MEGF11: variants seen among roughly 807,000 people sequenced by gnomAD.
The protein encoded by MEGF11 is multiple EGF like domains 11.
A neutral mutation model predicts 146.6 loss-of-function variants in MEGF11; 126 were observed. The observed-to-expected ratio is 0.86, with a 90% CI of 0.74 to 1.00. The LOEUF (loss-of-function observed/expected upper bound fraction) is 1.00, where lower values mean the gene tolerates loss of function less well. MEGF11 is among the 50% of genes least tolerant of loss of function. The pLI, the probability that MEGF11 is intolerant of heterozygous loss-of-function variation, is 0.00. For synonymous variants in MEGF11, 532 were observed against 583.4 expected, an observed-to-expected ratio of 0.91 and a Z score of 1.27; for missense variants, 1,509 against 1,521.2, an observed-to-expected ratio of 0.99 and a Z score of 0.13.
At chr15:66,150,835 A>T (rs2089543982) in intron 1 of MEGF11, among the ~76,000 whole-genome samples, 2 of 107,556 alleles carry the variant, frequency 1.9e-5, no homozygotes, top group African/African-American at 7.2e-5. Context: ...AGAGAGAGAG[A>T]GAGAGAGAGA....
intron 5 of MEGF11, among the ~76,000 whole-genome samples, chr15:66,010,032 G>A (rs1164312178): frequency 1.3e-5 from 2 of 152,108 alleles, no homozygotes; most frequent in Non-Finnish European, 2.9e-5. Flanking sequence ...TGCTCTTAGT[G>A]TGGTGTTGTA....
chr15:66,014,904 C>T (rs975873796), intron 5 of MEGF11, among the ~76,000 whole-genome samples: 6 of 152,110 alleles, frequency 3.9e-5, no homozygotes, highest in African/African-American at 1.4e-4. Flanking sequence ...TGGAAGCTTC[C>T]TGTTGCCAGC....
At chr15:65,999,941 G>A (rs561898995) in intron 5 of MEGF11, among the ~76,000 whole-genome samples, 41 of 152,322 alleles carry the variant, frequency 2.7e-4, no homozygotes, top group African/African-American at 9.6e-4. Flanking sequence ...CCCTGAGGTG[G>A]CTCCAGGAAG....
intron 5 of MEGF11, among the ~76,000 whole-genome samples, chr15:66,083,980 A>G (rs2085998972): frequency 6.6e-6 from 1 of 152,258 alleles, no homozygotes; most frequent in Admixed American, 6.5e-5. Context: ...CTCAGAGAAC[A>G]GGAGAAAATA....
intron 1 of MEGF11, among the ~76,000 whole-genome samples, chr15:66,163,095 A>T (rs1042603971): frequency 2.6e-5 from 4 of 152,176 alleles, no homozygotes; most frequent in African/African-American, 9.7e-5. Flanking sequence ...CCAGATGCTG[A>T]GGCCTGCAAC....
At chr15:66,224,574 ACT>A (rs971335778) in intron 1 of MEGF11, among the ~76,000 whole-genome samples, 1 of 148,634 alleles carries the variant, frequency 6.7e-6, no homozygotes, top group African/African-American at 2.5e-5. Flanking sequence ...ACAGAGTGAG[ACT>A]CTGTCTCAAA....
At chr15:66,114,338 G>A (rs2087605842) in intron 4 of MEGF11, among the ~76,000 whole-genome samples, 1 of 152,142 alleles carries the variant, frequency 6.6e-6, no homozygotes, top group African/African-American at 2.4e-5. Flanking sequence ...CCTGGGGTGA[G>A]GCTGACAAGG....
intron 1 of MEGF11, among the ~76,000 whole-genome samples, chr15:66,173,701 C>T (rs553314310): frequency 9.9e-5 from 15 of 152,198 alleles, no homozygotes; most frequent in Non-Finnish European, 1.9e-4. Flanking sequence ...TTACCCCTCC[C>T]CTCCCCAGGA....
chr15:65,903,992 G>A (rs1051477843), intron 24 of MEGF11, among the ~76,000 whole-genome samples: 3 of 152,102 alleles, frequency 2.0e-5, no homozygotes, highest in East Asian at 1.9e-4. Flanking sequence ...CTGAGCCCTC[G>A]CCTGCACTCA....
intron 10 of MEGF11, among the ~76,000 whole-genome samples, chr15:65,952,599 A>G (rs912998103): frequency 2.0e-5 from 3 of 152,304 alleles, no homozygotes; most frequent in Admixed American, 1.3e-4. Context: ...GATTCTAAGA[A>G]GGCACAGAGT....
At chr15:66,181,500 C>T (rs572988549) in intron 1 of MEGF11, among the ~76,000 whole-genome samples, 6 of 146,734 alleles carry the variant, frequency 4.1e-5, no homozygotes, top group Admixed American at 2.7e-4. Flanking sequence ...AAGGACTTTG[C>T]GGTCATCTTC....
At chr15:65,935,949 A>G (rs750745330) in intron 10 of MEGF11, among the ~76,000 whole-genome samples, 17 of 152,286 alleles carry the variant, frequency 1.1e-4, no homozygotes, top group African/African-American at 3.8e-4. Context: ...TCACGAGCCT[A>G]TCTCAGATTA....
At chr15:66,216,787 C>G (rs1384611029) in intron 1 of MEGF11, among the ~76,000 whole-genome samples, 2 of 152,224 alleles carry the variant, frequency 1.3e-5, no homozygotes, top group African/African-American at 4.8e-5. Context: ...CTACAGTATG[C>G]TGCCCAGAAC....
chr15:65,930,941 T>C lies in MEGF11; in HGVS notation c.1290A>G (p.Gly430=). 6.3e-7 allele frequency: 1 copy of C among 1,580,080 alleles called. No homozygotes were observed. Among genetic ancestry groups the C allele is most frequent in the Non-Finnish European group, 8.6e-7 (1 of 1,158,300 alleles). ...CTGCACAGGAAACGGCACAGACCTC[T>C]CCCTGGAAAGGGAGGGGGTGAATTT... ...GGCTCAPGFM[G]EVCAVSCAAG... Residue 430 remains glycine, a splice_region_variant and synonymous_variant, in exon 11 of 26, where the codon GGA becomes GGG. Transcript: ENST00000395614.
chr15:66,226,066 A>G (rs778474571), intron 1 of MEGF11, among the ~76,000 whole-genome samples: 2 of 152,202 alleles, frequency 1.3e-5, no homozygotes, highest in Admixed American at 6.5e-5. Context: ...CTTGCATGCA[A>G]TTCTGAGTAG....
intron 5 of MEGF11, 86 bp downstream of exon 5, chr15:66,094,315 AC>A (rs1386229652): frequency 8.6e-7 from 1 of 1,167,510 alleles, no homozygotes; most frequent in Non-Finnish European, 1.2e-6. Context: ...CCAGCACAAC[AC>A]AAAAATGTAG....
intron 10 of MEGF11, among the ~76,000 whole-genome samples, chr15:65,952,984 C>T (rs1303768115): frequency 6.6e-6 from 1 of 152,184 alleles, no homozygotes; most frequent in African/African-American, 2.4e-5. Context: ...GTACAGTGCC[C>T]CCTGAGACCG....
chr15:66,153,559 C>A (rs902823215), intron 1 of MEGF11, among the ~76,000 whole-genome samples: 1 of 149,312 alleles, frequency 6.7e-6, no homozygotes, highest in African/African-American at 2.4e-5. Context: ...GGCAACAGAG[C>A]GAGACTCCAT....
At chr15:66,250,427 A>G (rs185448299) in intron 1 of MEGF11, among the ~76,000 whole-genome samples, 7 of 152,300 alleles carry the variant, frequency 4.6e-5, no homozygotes, top group Non-Finnish European at 5.9e-5. Context: ...CTTTAAGCCT[A>G]TGGAGGAGAG....
Sources: allele counts gnomAD v4.1 joint callset (sites outside exome capture counted in the v4.1 genomes callset), GRCh38; gene constraint gnomAD v4.1.1; transcripts MANE v1.5; gene names NCBI Gene and HGNC (gene_info 2026-07-23, HGNC 2026-07-21).